DENND1A: variants seen among roughly 807,000 people sequenced by gnomAD.
The protein encoded by DENND1A is DENN domain containing 1A, also known as DENN domain-containing protein 1A.
DENND1A carries 51 observed loss-of-function variants against 113.7 expected under a neutral mutation model. That is an observed-to-expected ratio of 0.45 (90% CI 0.36 to 0.57). The LOEUF (loss-of-function observed/expected upper bound fraction) is 0.57, where lower values mean the gene tolerates loss of function less well. DENND1A is among the 20% of genes least tolerant of loss of function. The pLI is 0.00. For synonymous variants in DENND1A, 565 were observed against 570.8 expected (o/e 0.99, Z 0.14); for missense variants, 1,258 against 1,395.9 (o/e 0.90, Z 1.57).
At chr9:123,420,371 TGAG>T (rs2045158394) in intron 19 of DENND1A, among the ~76,000 whole-genome samples, 1 of 152,122 alleles carries the variant, frequency 6.6e-6, no homozygotes, top group Non-Finnish European at 1.5e-5. Flanking sequence ...GACTCCACAG[TGAG>T]GTTTCTGGGT....
At chr9:123,503,185 T>C (rs2052637004) in intron 13 of DENND1A, among the ~76,000 whole-genome samples, 1 of 152,212 alleles carries the variant, frequency 6.6e-6, no homozygotes, top group Non-Finnish European at 1.5e-5. Context: ...ATGATGGACT[T>C]AGGAGTTAGT....
In DENND1A at chr9:123,639,853, A is replaced by G. The variant is rs573192082; in HGVS notation, c.619-9377T>C. 6.4e-4 allele frequency among the ~76,000 whole-genome samples: 97 copies of G among 152,250 alleles called. 1 individual carries two copies. Among genetic ancestry groups the G allele is most frequent in the African/African-American group, 1.8e-3 (75 of 41,550 alleles). ...ACTGAATTCACATTACTATCTGCCAATCACTGAGAACAGTGCTTCACATAT... is the reference window on the plus strand; with the variant it reads ...ACTGAATTCACATTACTATCTGCCAGTCACTGAGAACAGTGCTTCACATAT... On this transcript the variant is annotated intron_variant, in intron 9 of 23. Transcript: ENST00000394215.
chr9:123,513,708 T>C (rs981428822), intron 13 of DENND1A, among the ~76,000 whole-genome samples: 4 of 152,230 alleles, frequency 2.6e-5, no homozygotes, highest in Admixed American at 2.0e-4. Context: ...TTGCTCTTGA[T>C]GACTGACAGG....
At chr9:123,850,677 T>G (rs1159273079) in intron 2 of DENND1A, among the ~76,000 whole-genome samples, 3 of 152,310 alleles carry the variant, frequency 2.0e-5, no homozygotes, top group African/African-American at 7.2e-5. Flanking sequence ...AAGCTCGCCA[T>G]GCCATGGTTT....
rs544662795 is a variant in DENND1A at position 123,515,304 on chromosome 9, A to G, written c.993+42266T>C. 7.2e-5 allele frequency among the ~76,000 whole-genome samples: 11 copies of G among 152,362 alleles called. No individual in the cohort carries two copies. In the East Asian group the frequency reaches 1.9e-3, roughly 27 times the overall value. On this transcript the variant is annotated intron_variant, in intron 13 of 23. Coordinates refer to ENST00000394215, the MANE Select transcript of DENND1A (RefSeq NM_001352964.2). ...TGCTATTAAAAGTGATATTTCCATT[A>G]CATAATATTATTGTAACAATTTCAA...
Position 123,383,894 on chromosome 9 carries a change from G to C in DENND1A, c.1780C>G (p.Leu594Val), listed in dbSNP as rs1379807215. ...CCTTCCGCGCTGTCTGACTCCCTGA[G>C]TGTCCGATACGGCTGCGGCCTGTCG... Reference protein sequence around the residue: ...PFEWPQPYRTLRESDSAEGDE... With the variant: ...PFEWPQPYRTVRESDSAEGDE... The change falls in exon 23 of 24, where the codon CTC becomes GTC. Residue 594 changes from leucine to valine, a missense_variant. Leu to Val is a conservative substitution (Grantham distance 32). Around this residue, in one of 2 missense-constraint regions of DENND1A, gnomAD observed 1,159 missense variants for 1,231.7 expected, o/e 0.94. Coordinates refer to ENST00000394215, the MANE Select transcript of DENND1A (RefSeq NM_001352964.2). The C allele has an allele frequency of 6.2e-7, 1 of 1,611,540 alleles. No individual in the cohort carries two copies. The highest frequency in any genetic ancestry group is 1.3e-5 in the African/African-American group (1 of 74,926).
chr9:123,616,869 T>C (rs1401653809), intron 10 of DENND1A, among the ~76,000 whole-genome samples: 1 of 152,274 alleles, frequency 6.6e-6, no homozygotes, highest in Non-Finnish European at 1.5e-5. Context: ...AGAATAGATC[T>C]GGTCCCCATG....
chr9:123,898,137 G>A (rs1033496206), intron 1 of DENND1A, among the ~76,000 whole-genome samples: 3 of 152,108 alleles, frequency 2.0e-5, no homozygotes, highest in African/African-American at 7.2e-5. Flanking sequence ...TATTGGGGGT[G>A]TAGGAGCTTT....
At position 123,924,803 on chromosome 9, in the gene DENND1A, G is replaced by A. The variant is rs976741761; in HGVS notation, c.17+5086C>T. ...GTCTCTCCCTCTGACCTCACCACAA[G>A]CCTCTCTGCCATCAGTCACTACTCA... On this transcript the variant is annotated intron_variant, in intron 1 of 23. Coordinates refer to ENST00000394215, the MANE Select transcript of DENND1A (RefSeq NM_001352964.2). 5.3e-5 allele frequency among the ~76,000 whole-genome samples: 8 copies of A among 152,172 alleles called. No homozygotes were observed. The South Asian group carries it at 1.5e-3, about 28-fold the overall frequency.
chr9:123,692,285 T>C (rs2065237374), intron 5 of DENND1A, among the ~76,000 whole-genome samples: 1 of 152,258 alleles, frequency 6.6e-6, no homozygotes, highest in Admixed American at 6.5e-5. Flanking sequence ...GGAGAAAGAA[T>C]GGTTCTCAAC....
intron 2 of DENND1A, among the ~76,000 whole-genome samples, chr9:123,816,924 G>T (rs1411706870): frequency 2.0e-5 from 3 of 152,148 alleles, no homozygotes; most frequent in Admixed American, 6.5e-5. Context: ...CTTCTCAGGG[G>T]CAAAAATACA....
intron 9 of DENND1A, among the ~76,000 whole-genome samples, chr9:123,643,934 T>A (rs1157720215): frequency 6.6e-6 from 1 of 152,140 alleles, no homozygotes; most frequent in Non-Finnish European, 1.5e-5. Context: ...TTATTTTAGA[T>A]CCATGGCCAA....
intron 5 of DENND1A, among the ~76,000 whole-genome samples, chr9:123,714,732 T>C (rs1398083967): frequency 6.6e-6 from 1 of 152,134 alleles, no homozygotes; most frequent in African/African-American, 2.4e-5. Context: ...ATCATAACTA[T>C]AAAACAATGG....
intron 11 of DENND1A, among the ~76,000 whole-genome samples, chr9:123,583,972 T>G (rs950298346): frequency 1.3e-5 from 2 of 152,222 alleles, no homozygotes; most frequent in African/African-American, 4.8e-5. Context: ...AAAAGAATCC[T>G]GCCCCCAATC....
At chr9:123,645,688 T>C (rs1296867118) in intron 9 of DENND1A, among the ~76,000 whole-genome samples, 1 of 152,170 alleles carries the variant, frequency 6.6e-6, no homozygotes, top group East Asian at 1.9e-4. Flanking sequence ...ATCAACTCTT[T>C]GTTAAGAAAA....
chr9:123,735,781 T>C (rs1489731023), intron 5 of DENND1A, among the ~76,000 whole-genome samples: 1 of 152,142 alleles, frequency 6.6e-6, no homozygotes, highest in Non-Finnish European at 1.5e-5. Context: ...GGTGGATCAC[T>C]TGAAGTCAGG....
Position 123,889,476 on chromosome 9 carries a change from TA to T in DENND1A, c.18-10456del, listed in dbSNP as rs578136897. Among the ~76,000 whole-genome samples, 771 of 152,210 alleles carry T rather than the reference TA, an allele frequency of 5.1e-3. 5 individuals are homozygous for T. Among genetic ancestry groups the T allele is most frequent in the South Asian group, 8.5e-3 (41 of 4,818 alleles). ...GTGTATTTCAAAGACTCAAAACCAT[TA>T]GGCTTTCAAATACCGTCACTAAAAG... On this transcript the variant is annotated intron_variant, in intron 1 of 23. Coordinates refer to ENST00000394215, the MANE Select transcript of DENND1A (RefSeq NM_001352964.2).
At chr9:123,452,742 C>T (rs1193937490) in intron 16 of DENND1A, among the ~76,000 whole-genome samples, 3 of 152,040 alleles carry the variant, frequency 2.0e-5, no homozygotes, top group African/African-American at 2.4e-5. Context: ...GTTTAATAAC[C>T]GTGGACTCCA....
At chr9:123,733,514 T>C (rs1424402048) in intron 5 of DENND1A, among the ~76,000 whole-genome samples, 1 of 152,062 alleles carries the variant, frequency 6.6e-6, no homozygotes, top group Non-Finnish European at 1.5e-5. Context: ...CTCAAACTCC[T>C]GGCCTCAAGC....
Sources: allele counts gnomAD v4.1 joint callset (sites outside exome capture counted in the v4.1 genomes callset), GRCh38; gene constraint gnomAD v4.1.1; regional missense constraint gnomAD v4.1.1; transcripts MANE v1.5; gene names NCBI Gene and HGNC (gene_info 2026-07-23, HGNC 2026-07-21).